EPS8L2: variants seen among roughly 807,000 people sequenced by gnomAD.
EPS8L2 encodes the protein EPS8 signaling adaptor L2.
EPS8L2 carries 81 observed loss-of-function variants against 99.4 expected under a neutral mutation model. That is an observed-to-expected ratio of 0.82 (90% CI 0.68 to 0.98). EPS8L2 has a LOEUF of 0.98. EPS8L2 is among the 50% of genes least tolerant of loss of function. The pLI is 0.00. For missense variants in EPS8L2, 1,155 were observed against 968.8 expected, an observed-to-expected ratio of 1.19 and a Z score of -2.55; for synonymous variants, 509 against 407.3, an observed-to-expected ratio of 1.25 and a Z score of -3.01.
At chr11:722,900 G>A in intron 14 of EPS8L2, 95 bp downstream of exon 14, 3 of 630,246 alleles carry the variant, frequency 4.8e-6, no homozygotes, top group South Asian at 2.0e-5. Flanking sequence ...CCTCCCCAGA[G>A]CTCCCCCCCC....
rs756259313 is a variant in EPS8L2, at chr11:721,775, A to G, written c.895+84A>G. On this transcript the variant is annotated intron_variant, in intron 10 of 20. Transcript: ENST00000318562. ...GACAGGGACGGGGACGGGGCCAGGG[A>G]CATCCATGGGGGCTACTCATGGAGG... The G allele has an allele frequency of 5.9e-6, 9 of 1,533,312 alleles. No homozygotes were observed. In the East Asian group the frequency reaches 2.1e-4, roughly 35 times the overall value. The allele number at this position is 1,533,312 out of a possible 1,614,324, so 95.0% of individuals were successfully genotyped here.
In EPS8L2 at chr11:723,275, C is replaced by T. The variant is rs1323935659; in HGVS notation, c.1376C>T (p.Ser459Phe). The change falls in exon 15 of 21, where the codon TCC becomes TTC. Residue 459 changes from serine (S) to phenylalanine (F), a missense_variant. Transcript: ENST00000318562. ...SPVSRQSIRN[S>F]QKHSPTSEPT... ...GTGAGCCGACAGTCCATAAGAAACT[C>T]CCAGAAGCACAGCCCCACTTCAGAG... The T allele has an allele frequency of 2.5e-6, 4 of 1,606,954 alleles. No individual in the cohort carries two copies. In the African/African-American group the frequency reaches 4.0e-5, roughly 16 times the overall value.
intron 4 of EPS8L2, among the ~76,000 whole-genome samples, chr11:716,546 C>T (rs552877528): frequency 1.2e-4 from 18 of 152,320 alleles, no homozygotes; most frequent in African/African-American, 2.6e-4. Context: ...CGTGAGCCAC[C>T]GTGCCTGGCC....
Position 720,324 on chromosome 11 carries a change from G to A in EPS8L2, c.327+101G>A, listed in dbSNP as rs1862122273. ...TGCGGCCGGTCCTCTCTGCAGGGCCGGCCATGCCCTATCATTCTGGTCCCT... is the reference window on the plus strand; with the variant it reads ...TGCGGCCGGTCCTCTCTGCAGGGCCAGCCATGCCCTATCATTCTGGTCCCT... On this transcript the variant is annotated intron_variant, in intron 5 of 20. Transcript: ENST00000318562. 7.6e-6 allele frequency: 10 copies of A among 1,311,682 alleles called. No homozygotes were observed. The East Asian group carries it at 1.9e-4, about 25-fold the overall frequency. The allele number at this position is 1,311,682 out of a possible 1,614,324, so 81.3% of individuals were successfully genotyped here. A position where few individuals can be genotyped will look rare whatever the true frequency, so the allele number is the denominator to read the frequency against.
Position 722,134 on chromosome 11 carries a change from T to C in EPS8L2, c.1028T>C (p.Leu343Pro). 1 of 1,612,810 alleles carries C rather than the reference T, an allele frequency of 6.2e-7. No homozygotes were observed. The highest frequency in any genetic ancestry group is 8.5e-7 in the Non-Finnish European group (1 of 1,179,852). Residue 343 changes from leucine to proline, a missense_variant, in exon 12 of 21, where the codon CTC becomes CCC. Physicochemically the swap from Leu to Pro is moderately conservative, Grantham distance 98. Transcript: ENST00000318562. ...ATCCAGAACCCCAGCGCCGCGGAGC[T>C]CGTGCACTTCCTCTTCGGGCCTCTG... is the stretch of plus-strand genomic sequence containing the variant. ...KHIQNPSAAE[L>P]VHFLFGPLDL... is the part of the protein sequence containing the mutation.
At chr11:713,753 C>T (rs1275993784) in intron 4 of EPS8L2, among the ~76,000 whole-genome samples, 2 of 152,242 alleles carry the variant, frequency 1.3e-5, no homozygotes, top group Non-Finnish European at 2.9e-5. Context: ...ACCATGTTGG[C>T]CAGGCTGGTC....
chr11:724,867 A>G lies in EPS8L2; in HGVS notation c.1560+38A>G. The G allele has an allele frequency of 6.8e-7, 1 of 1,469,436 alleles. No individual in the cohort carries two copies. Among genetic ancestry groups the G allele is most frequent in the East Asian group, 2.3e-5 (1 of 44,120 alleles). 91.0% of individuals were successfully genotyped at this position (1,469,436 alleles called of 1,614,324 possible). A position where few individuals can be genotyped will look rare whatever the true frequency, so the allele number is the denominator to read the frequency against. On this transcript the variant is annotated intron_variant, in intron 16 of 20. Coordinates refer to ENST00000318562, the MANE Select transcript of EPS8L2 (RefSeq NM_022772.4). The surrounding 1 kb of genome is among the most constrained non-coding windows in gnomAD (Gnocchi z 5.5). Reference sequence around the variant, plus strand: ...AGGACGGGGTCCAAGAGGGGGAAACAGGGCAGGGCTTCAAGGGAGGGGCTA... The same window carrying G: ...AGGACGGGGTCCAAGAGGGGGAAACGGGGCAGGGCTTCAAGGGAGGGGCTA...
rs775047399 is a variant in EPS8L2, at chr11:726,665, C to A, written c.1981C>A (p.Leu661Ile). Residue 661 changes from leucine to isoleucine, a missense_variant, in exon 20 of 21, where the codon CTC becomes ATC. Leu to Ile is a conservative substitution (Grantham distance 5). Transcript: ENST00000318562. ...GILTGPQLFS[L>I]NKEELKKVCG... ...CCTGACCGGGCCGCAGCTCTTCTCC[C>A]TCAACAAGGAGGAGCTGAAGAAAGT... 2.5e-6 allele frequency: 4 copies of A among 1,568,656 alleles called. No individual in the cohort carries two copies. Among genetic ancestry groups the A allele is most frequent in the Non-Finnish European group, 3.5e-6 (4 of 1,157,760 alleles).
intron 9 of EPS8L2, 42 bp downstream of exon 9, chr11:721,394 C>T (rs1862170605): frequency 1.3e-6 from 2 of 1,534,484 alleles, no homozygotes; most frequent in Non-Finnish European, 8.8e-7. Context: ...TCTTCCCCGC[C>T]CCCAGCAGTG....
Position 727,037 on chromosome 11 carries a change from A to G in EPS8L2, c.*56A>G, listed in dbSNP as rs1365487615. The G allele has an allele frequency of 5.0e-6, 6 of 1,198,828 alleles. No homozygotes were observed. In the East Asian group the frequency reaches 1.4e-4, roughly 29 times the overall value. 74.3% of individuals were successfully genotyped at this position (1,198,828 alleles called of 1,614,324 possible). On this transcript the variant is annotated 3_prime_UTR_variant, in exon 21 of 21. Coordinates refer to ENST00000318562, the MANE Select transcript of EPS8L2 (RefSeq NM_022772.4). Reference sequence around the variant, plus strand: ...GGGGAAGCCCACCCACAATGCATGGAGTATTATTTTTATATGTGTATGTAT... The same window carrying G: ...GGGGAAGCCCACCCACAATGCATGGGGTATTATTTTTATATGTGTATGTAT...
chr11:706,267 G>A lies in EPS8L2; in HGVS notation c.-100G>A, dbSNP rs1247254979. The A allele has an allele frequency of 6.6e-6, 1 of 152,030 alleles. No homozygotes were observed. Among genetic ancestry groups the A allele is most frequent in the Non-Finnish European group, 1.5e-5 (1 of 67,978 alleles). 9.4% of individuals were successfully genotyped at this position (152,030 alleles called of 1,614,324 possible). A position where few individuals can be genotyped will look rare whatever the true frequency, so the allele number is the denominator to read the frequency against. On this transcript the variant is annotated 5_prime_UTR_variant, in exon 1 of 21. Transcript: ENST00000318562. ...CCGGCGAGCGCCGAGGGGACAGGCC[G>A]AGCGCGGGGCGCCGGAGGCAGGTGA...
intron 3 of EPS8L2, chr11:709,976 AC>A (rs1861840998): frequency 2.4e-6 from 1 of 408,882 alleles, no homozygotes; most frequent in African/African-American, 2.0e-5. Context: ...CCCAGAGACG[AC>A]CCTGCCCTCT....
Position 727,035 on chromosome 11 carries a change from G to A in EPS8L2, c.*54G>A, listed in dbSNP as rs897341413. On this transcript the variant is annotated 3_prime_UTR_variant, in exon 21 of 21. Coordinates refer to ENST00000318562, the MANE Select transcript of EPS8L2 (RefSeq NM_022772.4). The stretch of plus-strand genomic sequence containing the variant: ...GAGGGGAAGCCCACCCACAATGCAT[G>A]GAGTATTATTTTTATATGTGTATGT... 4.1e-5 allele frequency: 50 copies of A among 1,210,424 alleles called. No individual in the cohort carries two copies. Among genetic ancestry groups the A allele is most frequent in the Middle Eastern group, 1.9e-4 (1 of 5,198 alleles). 75.0% of individuals were successfully genotyped at this position (1,210,424 alleles called of 1,614,324 possible).
Position 724,847 on chromosome 11 carries a change from G to A in EPS8L2, c.1560+18G>A, listed in dbSNP as rs1429587559. 7 of 1,582,482 alleles carry A rather than the reference G, an allele frequency of 4.4e-6. No individual in the cohort carries two copies. Among genetic ancestry groups the A allele is most frequent in the African/African-American group, 1.3e-5 (1 of 74,390 alleles). ...TCCTAGAGGTGAGGGGCTGGAGGAC[G>A]GGGTCCAAGAGGGGGAAACAGGGCA... On this transcript the variant is annotated intron_variant, in intron 16 of 20. Coordinates refer to ENST00000318562, the MANE Select transcript of EPS8L2 (RefSeq NM_022772.4). The surrounding 1 kb of genome is among the most constrained non-coding windows in gnomAD (Gnocchi z 5.5).
chr11:722,773 G>C lies in EPS8L2; in HGVS notation c.1309G>C (p.Val437Leu). The change falls in exon 14 of 21, where the codon GTG becomes CTG. Residue 437 changes from valine to leucine, a missense_variant. By Grantham distance (32) the Val-to-Leu change is conservative (BLOSUM62 1). Coordinates refer to ENST00000318562, the MANE Select transcript of EPS8L2 (RefSeq NM_022772.4). ...TGTGCTGCAGGAGGCCCCCTGGGAG[G>C]TGGAGGGGCTGGCGTCTGCCCCCAT... ...VDVLQEAPWE[V>L]EGLASAPIEE... 1 of 1,599,078 alleles carries C rather than the reference G, an allele frequency of 6.3e-7. No individual in the cohort carries two copies. Among genetic ancestry groups the C allele is most frequent in the South Asian group, 1.1e-5 (1 of 89,244 alleles).
chr11:709,493 C>G (rs1211035165), intron 2 of EPS8L2, 42 bp downstream of exon 2: 2 of 1,607,866 alleles, frequency 1.2e-6, no homozygotes, highest in East Asian at 2.2e-5. Context: ...CCCTCACCCT[C>G]TGAACAGTCC....
Position 720,198 on chromosome 11 carries a change from T to C in EPS8L2, c.302T>C (p.Leu101Pro). 6.2e-7 allele frequency: 1 copy of C among 1,613,108 alleles called. No homozygotes were observed. The highest frequency in any genetic ancestry group is 8.5e-7 in the Non-Finnish European group (1 of 1,179,940). The part of the protein sequence containing the change: ...EMLLQVNDQS[L>P]RLLDIESQEE... ...CTGCTGCAGGTGAACGACCAGTCGC[T>C]GCGGCTGCTGGACATCGAGTCACAG... Residue 101 changes from leucine (L) to proline (P), a missense_variant, in exon 5 of 21, where the codon CTG becomes CCG. By Grantham distance (98) the Leu-to-Pro change is moderately conservative (BLOSUM62 -3). Transcript: ENST00000318562.
At position 711,708 on chromosome 11, in the gene EPS8L2, G is replaced by T. The variant is rs182730303; in HGVS notation, c.165+1222G>T. Among the ~76,000 whole-genome samples the T allele has an allele frequency of 1.2e-3, 184 of 152,178 alleles. 5 individuals carry two copies. In the East Asian group the frequency reaches 0.03, roughly 25 times the overall value. ...CCTGGGCAACAGAGTCTTAGGCCAGGCGCGGTGGCTCACGCCTGTAATCCC... is the reference window on the plus strand; with the variant it reads ...CCTGGGCAACAGAGTCTTAGGCCAGTCGCGGTGGCTCACGCCTGTAATCCC... On this transcript the variant is annotated intron_variant, in intron 4 of 20. Coordinates refer to ENST00000318562, the MANE Select transcript of EPS8L2 (RefSeq NM_022772.4).
intron 16 of EPS8L2, among the ~76,000 whole-genome samples, chr11:725,519 A>G (rs1862289131): frequency 6.6e-6 from 1 of 152,086 alleles, no homozygotes; most frequent in African/African-American, 2.4e-5. Context: ...TCCGAGAAAA[A>G]AAGGGTCCCC....
Sources: allele counts gnomAD v4.1 joint callset (sites outside exome capture counted in the v4.1 genomes callset), GRCh38; gene constraint gnomAD v4.1.1; non-coding constraint Gnocchi (gnomAD v3.1); transcripts MANE v1.5; gene names NCBI Gene and HGNC (gene_info 2026-07-23, HGNC 2026-07-21).